PTPN13: variants seen among roughly 807,000 people sequenced by gnomAD.
PTPN13 encodes the protein protein tyrosine phosphatase non-receptor type 13.
PTPN13 carries 191 observed loss-of-function variants against 284.0 expected under a neutral mutation model. The observed-to-expected ratio is 0.67, with a 90% CI of 0.60 to 0.76. PTPN13 has a LOEUF of 0.76. PTPN13 is among the 30% of genes least tolerant of loss of function. The pLI, the probability that PTPN13 is intolerant of heterozygous loss-of-function variation, is 0.00. For synonymous variants in PTPN13, 986 were observed against 1,022.3 expected, an observed-to-expected ratio of 0.96 and a Z score of 0.68; for missense variants, 2,797 against 2,939.9, an observed-to-expected ratio of 0.95 and a Z score of 1.12.
Position 86,803,830 on chromosome 4 carries a change from T to A in PTPN13, c.6627T>A (p.Asp2209Glu), listed in dbSNP as rs1262687793. The A allele has an allele frequency of 6.2e-7, 1 of 1,613,750 alleles. No homozygotes were observed. Among genetic ancestry groups the A allele is most frequent in the Non-Finnish European group, 8.5e-7 (1 of 1,179,736 alleles). ...TTCGAGTCCTGCGGGGTTTGCTAGA[T>A]CAAGGAATTCCTTCTAAGGAGCTGG... Reference protein sequence around the residue: ...SVIRVLRGLLDQGIPSKELEN... With the variant: ...SVIRVLRGLLEQGIPSKELEN... Residue 2209 changes from aspartate (D) to glutamate (E), a missense_variant, in exon 43 of 48, where the codon GAT becomes GAA. Physicochemically the swap from Asp to Glu is conservative, Grantham distance 45. Transcript: ENST00000411767.
chr4:86,624,934 C>A (rs546531635), intron 1 of PTPN13, among the ~76,000 whole-genome samples: 2 of 152,226 alleles, frequency 1.3e-5, no homozygotes, highest in African/African-American at 4.8e-5. Context: ...GAAAGCCATT[C>A]TTTGAGGGTA....
intron 27 of PTPN13, among the ~76,000 whole-genome samples, chr4:86,767,037 A>G (rs920834933): frequency 2.0e-5 from 3 of 151,090 alleles, no homozygotes; most frequent in African/African-American, 7.3e-5. Flanking sequence ...CCCCTGCCTC[A>G]GTCTCCCAAG....
Position 86,732,463 on chromosome 4 carries a change from C to T in PTPN13, c.1672C>T (p.Arg558Trp), listed in dbSNP as rs376241896. The change falls in exon 11 of 48, where the codon CGG (arginine) becomes TGG (tryptophan). Residue 558 changes from arginine to tryptophan, a missense_variant. Transcript: ENST00000411767. ...IEPFISLDLP[R>W]SILTKKGKNE... is the part of the protein sequence containing the mutation. ...ACCATTTATATCTTTGGATTTGCCA[C>T]GGTCTATTCTTGTAAGTAATAAAAC... The T allele has an allele frequency of 1.4e-4, 226 of 1,600,884 alleles. No individual in the cohort carries two copies. The highest frequency in any genetic ancestry group is 1.7e-4 in the Non-Finnish European group (194 of 1,172,466).
At chr4:86,767,223 C>T (rs1234121798) in intron 27 of PTPN13, among the ~76,000 whole-genome samples, 5 of 147,438 alleles carry the variant, frequency 3.4e-5, no homozygotes, top group African/African-American at 1.3e-4. Flanking sequence ...GGACTACAGG[C>T]GTGAGCCACC....
At chr4:86,811,743 G>C (rs970707769) in intron 47 of PTPN13, among the ~76,000 whole-genome samples, 1 of 152,144 alleles carries the variant, frequency 6.6e-6, no homozygotes, top group African/African-American at 2.4e-5. Flanking sequence ...AAGAGTGGGG[G>C]ATGTAGAAGC....
At chr4:86,688,315 T>A (rs1729652493) in intron 4 of PTPN13, among the ~76,000 whole-genome samples, 1 of 152,170 alleles carries the variant, frequency 6.6e-6, no homozygotes, top group Admixed American at 6.5e-5. Context: ...TTACCAATTC[T>A]TGTATTGTTA....
At chr4:86,785,460 C>A in intron 39 of PTPN13, 92 bp downstream of exon 39, 3 of 1,095,758 alleles carry the variant, frequency 2.7e-6, no homozygotes, top group South Asian at 1.8e-5. Flanking sequence ...TGCATTAGTT[C>A]TTCTTCTGTT....
In PTPN13 at chr4:86,735,666, T is replaced by G. The variant is rs2149141608; in HGVS notation, c.2224T>G (p.Tyr742Asp). The change falls in exon 15 of 48, where the codon TAT becomes GAT. Residue 742 changes from tyrosine (Y) to aspartate (D), a missense_variant. Transcript: ENST00000411767. ...ARVMEKLDLS[Y>D]IKEELPKLHN... ...AGTGATGGAGAAACTTGATTTATCC[T>G]ATATCAAAGAAGAGTTACCCAAATT... 1 of 1,613,454 alleles carries G rather than the reference T, an allele frequency of 6.2e-7. No homozygotes were observed. Among genetic ancestry groups the G allele is most frequent in the East Asian group, 2.2e-5 (1 of 44,842 alleles).
Position 86,722,259 on chromosome 4 carries a change from T to G in PTPN13, c.1433T>G (p.Ile478Ser), listed in dbSNP as rs1389246873. Residue 478 changes from isoleucine to serine, a missense_variant, in exon 10 of 48, where the codon ATC becomes AGC. Physicochemically the swap from Ile to Ser is moderately radical, Grantham distance 142. Transcript: ENST00000411767. ...PFEGNLINQE[I>S]MLKRQEEELM... ...GAAGGCAACTTAATTAATCAAGAGA[T>G]CATGCTAAAACGGCAAGAGGAAGAA... 1 of 1,613,574 alleles carries G rather than the reference T, an allele frequency of 6.2e-7. No individual in the cohort carries two copies. The highest frequency in any genetic ancestry group is 1.3e-5 in the African/African-American group (1 of 74,830).
intron 16 of PTPN13, among the ~76,000 whole-genome samples, chr4:86,742,488 T>C (rs1177188966): frequency 2.0e-5 from 3 of 152,226 alleles, no homozygotes; most frequent in Non-Finnish European, 4.4e-5. Flanking sequence ...TTCCTAGTGC[T>C]ATTCAGGAAC....
At chr4:86,613,936 G>T (rs1393647624) in intron 1 of PTPN13, among the ~76,000 whole-genome samples, 1 of 152,130 alleles carries the variant, frequency 6.6e-6, no homozygotes, top group Non-Finnish European at 1.5e-5. Flanking sequence ...TGTATTGGAA[G>T]ACAGATTGTG....
At chr4:86,777,237 A>C (rs977208234) in intron 35 of PTPN13, among the ~76,000 whole-genome samples, 1 of 152,226 alleles carries the variant, frequency 6.6e-6, no homozygotes, top group Non-Finnish European at 1.5e-5. Context: ...AGGTGTCAGC[A>C]GGGCTGCATT....
At position 86,774,528 on chromosome 4, in the gene PTPN13, A is replaced by G. The variant is rs1251778156; in HGVS notation, c.5505A>G (p.Ile1835Met). 4 of 1,595,404 alleles carry G rather than the reference A, an allele frequency of 2.5e-6. No homozygotes were observed. The highest frequency in any genetic ancestry group is 3.4e-6 in the Non-Finnish European group (4 of 1,170,834). The change falls in exon 33 of 48, where the codon ATA becomes ATG. Residue 1835 changes from isoleucine to methionine, a missense_variant. Coordinates refer to ENST00000411767, the MANE Select transcript of PTPN13 (RefSeq NM_080683.3). ...GGCTAAAACCTGGGGACCGGCTCAT[A>G]AAGGTGAGACATTTAAGAGGAATGG... The part of the protein sequence containing the change: ...DGRLKPGDRL[I>M]KVNDTDVTNM...
At chr4:86,813,417 A>T (rs892833435) in intron 47 of PTPN13, among the ~76,000 whole-genome samples, 2 of 152,168 alleles carry the variant, frequency 1.3e-5, no homozygotes, top group Non-Finnish European at 2.9e-5. Context: ...TTTTGTTCCA[A>T]AATATTTAAA....
intron 7 of PTPN13, among the ~76,000 whole-genome samples, chr4:86,708,942 C>T (rs562056199): frequency 1.3e-5 from 2 of 151,926 alleles, no homozygotes; most frequent in Non-Finnish European, 2.9e-5. Context: ...GTCTCCCTCC[C>T]TCCCTTTTTC....
chr4:86,746,284 C>G (rs1454607214), intron 17 of PTPN13, among the ~76,000 whole-genome samples: 1 of 152,126 alleles, frequency 6.6e-6, no homozygotes, highest in Non-Finnish European at 1.5e-5. Context: ...TATACAAAAT[C>G]TAATTCTACA....
chr4:86,769,485 A>G (rs1318390228), intron 28 of PTPN13, among the ~76,000 whole-genome samples: 1 of 152,178 alleles, frequency 6.6e-6, no homozygotes, highest in Non-Finnish European at 1.5e-5. Context: ...TTTAAAACAC[A>G]CAAGTTTGAT....
At chr4:86,771,077 CT>C in intron 30 of PTPN13, 93 bp from the exon 31 acceptor site, 1 of 1,343,036 alleles carries the variant, frequency 7.4e-7, no homozygotes, top group South Asian at 1.7e-5. Flanking sequence ...TCAATGCATA[CT>C]TTAGTAGAAA....
At chr4:86,797,223 G>A (rs1578700033) in intron 41 of PTPN13, among the ~76,000 whole-genome samples, 1 of 152,242 alleles carries the variant, frequency 6.6e-6, no homozygotes, top group East Asian at 1.9e-4. Context: ...CAGGCATGGT[G>A]TCTCATGCCT....
Sources: allele counts gnomAD v4.1 joint callset (sites outside exome capture counted in the v4.1 genomes callset), GRCh38; gene constraint gnomAD v4.1.1; transcripts MANE v1.5; gene names NCBI Gene and HGNC (gene_info 2026-07-23, HGNC 2026-07-21).